Variants in IL1RAPL1 observed in about 807,000 individuals in gnomAD.
The protein encoded by IL1RAPL1 is interleukin 1 receptor accessory protein like 1.
In IL1RAPL1, 3 loss-of-function variants were observed where a neutral mutation model predicts 48.4. That is an observed-to-expected ratio of 0.06 (90% CI 0.03 to 0.16). The LOEUF (loss-of-function observed/expected upper bound fraction) is 0.16. IL1RAPL1 is among the 10% of genes least tolerant of loss of function. The pLI is 1.00. For missense variants in IL1RAPL1, 349 were observed against 530.6 expected, an observed-to-expected ratio of 0.66 and a Z score of 3.36; for synonymous variants, 185 against 187.7, an observed-to-expected ratio of 0.99 and a Z score of 0.12.
chrX:29,454,892 C>G (rs1934721014), intron 5 of IL1RAPL1, among the ~76,000 whole-genome samples: 1 of 109,486 alleles, frequency 9.1e-6, no homozygotes, highest in Non-Finnish European at 1.9e-5. Flanking sequence ...CTGATAGTTC[C>G]ATGTCTTCAG....
chrX:29,914,025 C>G (rs1274640648), intron 6 of IL1RAPL1, among the ~76,000 whole-genome samples: 1 of 111,985 alleles, frequency 8.9e-6, no homozygotes, highest in Non-Finnish European at 1.9e-5. Flanking sequence ...CCACCGTCTT[C>G]TATTCCTTCC....
intron 2 of IL1RAPL1, among the ~76,000 whole-genome samples, chrX:29,240,215 TATATATA>T (rs1931388806): frequency 2.5e-4 from 7 of 27,609 alleles, no homozygotes; most frequent in South Asian, 1.7e-3. Flanking sequence ...TATATATATA[TATATATA>T]TATTTTTTTT....
At position 29,094,771 on chromosome X, in the gene IL1RAPL1, C is replaced by CAAAAAAAAAAAA. The variant is rs1163805144; in HGVS notation, c.83-188148_83-188137dup. Reference sequence around the variant, plus strand: ...TGGTGACAAGAGTGAAACTCCATCTCAAAAAAAAAAAAAAAAAAAAAAAAA... The same window carrying CAAAAAAAAAAAA: ...TGGTGACAAGAGTGAAACTCCATCTCAAAAAAAAAAAAAAAAAAAAAAAAAAAAAAAAAAAAA... On this transcript the variant is annotated intron_variant, in intron 2 of 10. Coordinates refer to ENST00000378993, the MANE Select transcript of IL1RAPL1 (RefSeq NM_014271.4). Among the ~76,000 whole-genome samples the CAAAAAAAAAAAA allele has an allele frequency of 4.2e-3, 25 of 5,909 alleles. 2 individuals are homozygous for CAAAAAAAAAAAA. The highest frequency in any genetic ancestry group is 0.011 in the East Asian group (1 of 91). 5.1% of individuals were successfully genotyped at this position (5,909 alleles called of 115,157 possible).
chrX:29,027,736 A>G (rs1169658085), intron 2 of IL1RAPL1, among the ~76,000 whole-genome samples: 9 of 111,443 alleles, frequency 8.1e-5, no homozygotes, highest in African/African-American at 2.6e-4. Context: ...CCATTCTAAT[A>G]GTTGTGTAGT....
chrX:29,081,112 G>A (rs1189908016), intron 2 of IL1RAPL1, among the ~76,000 whole-genome samples: 1 of 100,255 alleles, frequency 1.0e-5, no homozygotes, highest in East Asian at 3.1e-4. Flanking sequence ...GGAGTGCAGT[G>A]GTGCAATCTA....
chrX:28,666,287 A>G (rs1400039252), intron 1 of IL1RAPL1, among the ~76,000 whole-genome samples: 2 of 112,163 alleles, frequency 1.8e-5, no homozygotes, highest in East Asian at 5.6e-4. Context: ...TAAAAGACAC[A>G]GTGGACCCCA....
intron 5 of IL1RAPL1, among the ~76,000 whole-genome samples, chrX:29,613,237 T>C (rs1238759259): frequency 1.8e-5 from 2 of 112,658 alleles, no homozygotes; most frequent in Non-Finnish European, 3.7e-5. Flanking sequence ...TTACAAAATA[T>C]TGTTATTTCA....
At chrX:28,915,596 T>A (rs1923469712) in intron 2 of IL1RAPL1, among the ~76,000 whole-genome samples, 1 of 111,895 alleles carries the variant, frequency 8.9e-6, no homozygotes, top group Admixed American at 9.5e-5. Context: ...TGTTTCTATT[T>A]GATAGATTAG....
chrX:29,352,191 G>T (rs1933239502), intron 3 of IL1RAPL1, among the ~76,000 whole-genome samples: 1 of 111,479 alleles, frequency 9.0e-6, no homozygotes, highest in African/African-American at 3.3e-5. Flanking sequence ...ACCACAGAGA[G>T]CAATAGCTGC....
chrX:29,304,513 T>C (rs1932587344), intron 3 of IL1RAPL1, among the ~76,000 whole-genome samples: 3 of 112,172 alleles, frequency 2.7e-5, no homozygotes, highest in Non-Finnish European at 3.8e-5. Context: ...TTTTCTAAAA[T>C]ATGTACTTAA....
Position 29,809,095 on chromosome X carries a change from CT to C in IL1RAPL1, c.779-108360del, listed in dbSNP as rs756310966. Reference sequence around the variant, plus strand: ...ATTCTGCTCCTGCTTTTTTTTTTTTCTTTTTTTTTGGGGGGTGGGGGGATAC... The same window carrying C: ...ATTCTGCTCCTGCTTTTTTTTTTTTCTTTTTTTTGGGGGGTGGGGGGATAC... On this transcript the variant is annotated intron_variant, in intron 6 of 10. Coordinates refer to ENST00000378993, the MANE Select transcript of IL1RAPL1 (RefSeq NM_014271.4). Among the ~76,000 whole-genome samples the C allele has an allele frequency of 4.8e-3, 361 of 75,947 alleles. 4 individuals are homozygous for C. The highest frequency in any genetic ancestry group is 0.017 in the African/African-American group (322 of 19,116). 66.0% of individuals were successfully genotyped at this position (75,947 alleles called of 115,157 possible). A position where few individuals can be genotyped will look rare whatever the true frequency, so the allele number is the denominator to read the frequency against.
rs906716919 is a variant in IL1RAPL1 at position 28,611,081 on chromosome X, G to T, written c.-25+23034G>T. Reference sequence around the variant, plus strand: ...GTGGTGGAAGCATCCCTGAGTTAGTGTTCTCCCTCCCACAGAGCTCATTTA... The same window carrying T: ...GTGGTGGAAGCATCCCTGAGTTAGTTTTCTCCCTCCCACAGAGCTCATTTA... On this transcript the variant is annotated intron_variant, in intron 1 of 10. Transcript: ENST00000378993. Among the ~76,000 whole-genome samples the T allele has an allele frequency of 3.6e-5, 4 of 111,736 alleles. No individual in the cohort carries two copies. The South Asian group carries it at 1.5e-3, about 43-fold the overall frequency.
At chrX:29,630,828 G>A (rs1353828434) in intron 5 of IL1RAPL1, among the ~76,000 whole-genome samples, 5 of 112,053 alleles carry the variant, frequency 4.5e-5, no homozygotes, top group African/African-American at 1.3e-4. Flanking sequence ...GTGAGCCACC[G>A]CGCCCAGCCC....
At chrX:28,746,159 A>C (rs929072341) in intron 1 of IL1RAPL1, among the ~76,000 whole-genome samples, 3 of 111,174 alleles carry the variant, frequency 2.7e-5, no homozygotes, top group African/African-American at 6.5e-5. Context: ...ATGGAATACT[A>C]TGCAGCCATA....
At chrX:28,942,158 T>C (rs201401845) in intron 2 of IL1RAPL1, 2 of 110,083 alleles carry the variant, frequency 1.8e-5, no homozygotes, top group East Asian at 5.7e-4. Context: ...ACTGGACTGC[T>C]TGCCACTATA....
chrX:29,744,166 G>C (rs1299520155), intron 6 of IL1RAPL1, among the ~76,000 whole-genome samples: 1 of 111,527 alleles, frequency 9.0e-6, no homozygotes, highest in African/African-American at 3.3e-5. Flanking sequence ...ATGGGTATTA[G>C]CTTAAGGAAG....
chrX:28,606,656 A>C (rs1310714967), intron 1 of IL1RAPL1, among the ~76,000 whole-genome samples: 1 of 112,131 alleles, frequency 8.9e-6, no homozygotes, highest in African/African-American at 3.2e-5. Flanking sequence ...GATAATTTTA[A>C]AAATATCACT....
chrX:29,680,094 A>G (rs1005844208), intron 6 of IL1RAPL1, among the ~76,000 whole-genome samples: 8 of 111,644 alleles, frequency 7.2e-5, no homozygotes, highest in African/African-American at 2.3e-4. Context: ...TGTCTAAGCA[A>G]TTTAAACTTG....
intron 5 of IL1RAPL1, among the ~76,000 whole-genome samples, chrX:29,638,402 A>G (rs780232532): frequency 9.1e-6 from 1 of 109,390 alleles, no homozygotes; most frequent in Non-Finnish European, 1.9e-5. Flanking sequence ...ATTAACATTT[A>G]GTAAACACCT....
Sources: gnomAD v4.1 joint callset for allele counts (sites outside exome capture counted in the v4.1 genomes callset) on GRCh38, gnomAD v4.1.1 for gene constraint, MANE v1.5 for transcripts, NCBI Gene and HGNC (gene_info 2026-07-23, HGNC 2026-07-21) for gene names.